The following BANP variants were observed in gnomAD, a reference collection of about 807,000 sequenced individuals.
BANP encodes the protein BTG3 associated nuclear protein, also known as protein BANP.
BANP carries 11 observed loss-of-function variants against 68.1 expected under a neutral mutation model. That is an observed-to-expected ratio of 0.16 (90% CI 0.10 to 0.27). BANP has a LOEUF of 0.27. Among genes scored for constraint, BANP ranks in the 10% least tolerant of loss-of-function variants. BANP has a pLI of 1.00. For missense variants in BANP, 504 were observed against 722.7 expected, an observed-to-expected ratio of 0.70 and a Z score of 3.47; for synonymous variants, 329 against 303.2, an observed-to-expected ratio of 1.09 and a Z score of -0.88.
intron 11 of BANP, among the ~76,000 whole-genome samples, chr16:88,046,007 G>A (rs1224485600): frequency 1.3e-5 from 2 of 152,222 alleles, no homozygotes; most frequent in Non-Finnish European, 2.9e-5. Flanking sequence ...GGCAGGTGCC[G>A]TCCACACTCC....
intron 13 of BANP, among the ~76,000 whole-genome samples, chr16:88,076,382 C>G (rs1321976994): frequency 7.1e-6 from 1 of 141,402 alleles, no homozygotes; most frequent in Non-Finnish European, 1.6e-5. Flanking sequence ...CGGAGCCTCC[C>G]TGGGCGCCAG....
chr16:88,059,247 G>T (rs2086027207), intron 11 of BANP, among the ~76,000 whole-genome samples: 2 of 149,946 alleles, frequency 1.3e-5, no homozygotes, highest in Admixed American at 1.3e-4. Flanking sequence ...GGCAGGTGGG[G>T]GTGGGGTGGG....
intron 1 of BANP, among the ~76,000 whole-genome samples, chr16:87,965,397 G>C (rs1272645249): frequency 1.3e-5 from 2 of 152,064 alleles, no homozygotes; most frequent in African/African-American, 2.4e-5. Flanking sequence ...AATGGGGCTG[G>C]GGCTGGAGGG....
chr16:88,015,483 G>C (rs116595244), intron 6 of BANP, among the ~76,000 whole-genome samples: 1 of 152,214 alleles, frequency 6.6e-6, no homozygotes, highest in Non-Finnish European at 1.5e-5. Flanking sequence ...CTCTGGCCAC[G>C]CTGGTTCCCT....
intron 12 of BANP, among the ~76,000 whole-genome samples, chr16:88,066,138 C>A (rs753782613): frequency 3.9e-5 from 6 of 152,232 alleles, no homozygotes; most frequent in African/African-American, 1.4e-4. Flanking sequence ...CAGACACGTT[C>A]CTTAGAGCAC....
chr16:88,019,033 C>G (rs909290179), intron 7 of BANP, among the ~76,000 whole-genome samples: 202 of 76,048 alleles, frequency 2.7e-3, no homozygotes, highest in Non-Finnish European at 7.0e-3. Flanking sequence ...CCCAGGCCCC[C>G]CTGAGCCTCT....
At chr16:87,974,053 C>G (rs758816045) in intron 1 of BANP, among the ~76,000 whole-genome samples, 10 of 152,158 alleles carry the variant, frequency 6.6e-5, no homozygotes, top group Non-Finnish European at 1.2e-4. Context: ...CTGTACAGAG[C>G]TGGGCACAGG....
intron 4 of BANP, among the ~76,000 whole-genome samples, chr16:87,998,516 G>C (rs1034502108): frequency 2.0e-5 from 3 of 152,210 alleles, no homozygotes; most frequent in Non-Finnish European, 4.4e-5. Context: ...AGGCTCCATG[G>C]CCTGCTTCTC....
chr16:88,073,315 G>A (rs2090829213), intron 13 of BANP, among the ~76,000 whole-genome samples: 1 of 152,208 alleles, frequency 6.6e-6, no homozygotes. Flanking sequence ...AGAGTTTAAG[G>A]ACCCGTGTCC....
intron 8 of BANP, 125 bp downstream of exon 8, chr16:88,027,775 C>T: frequency 2.5e-6 from 3 of 1,184,400 alleles, no homozygotes; most frequent in Non-Finnish European, 3.6e-6. Flanking sequence ...AGGCCAGAGG[C>T]TTGCGCGGTG....
intron 11 of BANP, among the ~76,000 whole-genome samples, chr16:88,060,483 G>A (rs973096958): frequency 4.6e-5 from 7 of 152,234 alleles, no homozygotes; most frequent in African/African-American, 1.7e-4. Flanking sequence ...TAGTGGGAAC[G>A]TTGGAGCACA....
rs182863526 is a variant in BANP, at chr16:88,007,460, G to T, written c.655+1195G>T. On this transcript the variant is annotated intron_variant, in intron 6 of 13. Coordinates refer to ENST00000682872, the MANE Select transcript of BANP (RefSeq NM_001386991.1). ...TCCCGCCTGGCCCTCGGCCTGCCCA[G>T]TGTGCCTTTCAGAGCCGTCTTCCCC... Among the ~76,000 whole-genome samples the T allele has an allele frequency of 2.4e-3, 359 of 152,352 alleles. 2 individuals carry two copies. The highest frequency in any genetic ancestry group is 4.6e-3 in the Non-Finnish European group (311 of 68,034).
At chr16:88,012,166 C>T (rs2073323650) in intron 6 of BANP, among the ~76,000 whole-genome samples, 1 of 152,232 alleles carries the variant, frequency 6.6e-6, no homozygotes, top group African/African-American at 2.4e-5. Context: ...TGGTTCATCA[C>T]GTCCTGGCGC....
At chr16:88,028,225 C>T (rs1325696266) in intron 8 of BANP, among the ~76,000 whole-genome samples, 2 of 152,222 alleles carry the variant, frequency 1.3e-5, no homozygotes, top group Non-Finnish European at 2.9e-5. Context: ...GAAAACTATT[C>T]TCTTAAAGCT....
intron 12 of BANP, among the ~76,000 whole-genome samples, chr16:88,070,680 TG>T (rs1332749562): frequency 2.0e-5 from 3 of 151,968 alleles, no homozygotes; most frequent in Non-Finnish European, 4.4e-5. Flanking sequence ...GGCCAGCACG[TG>T]GGGGGCCTGC....
intron 11 of BANP, among the ~76,000 whole-genome samples, chr16:88,038,602 A>C (rs1240190135): frequency 6.6e-6 from 1 of 152,104 alleles, no homozygotes; most frequent in East Asian, 1.9e-4. Context: ...CAAACTCACA[A>C]ACTTGCCAGC....
chr16:88,026,645 A>G (rs2077050987), intron 7 of BANP, among the ~76,000 whole-genome samples: 1 of 152,126 alleles, frequency 6.6e-6, no homozygotes, highest in African/African-American at 2.4e-5. Context: ...GAATTCTCCA[A>G]ACTGTGTTTG....
At chr16:87,969,692 C>T (rs888336701) in intron 1 of BANP, among the ~76,000 whole-genome samples, 4 of 152,014 alleles carry the variant, frequency 2.6e-5, no homozygotes, top group East Asian at 1.9e-4. Flanking sequence ...GCCGCCATCC[C>T]CGTCTAATTT....
rs1472002806 is a variant in BANP at position 88,064,970 on chromosome 16, ACT to A, written c.1312-294_1312-293del. Among the ~76,000 whole-genome samples the A allele has an allele frequency of 6.6e-6, 1 of 151,898 alleles. No individual in the cohort carries two copies. Among genetic ancestry groups the A allele is most frequent in the Admixed American group, 6.5e-5 (1 of 15,270 alleles). On this transcript the variant is annotated intron_variant, in intron 11 of 13. Transcript: ENST00000682872. This position sits in a 1 kb window ranked among gnomAD's most constrained non-coding sequence, Gnocchi z 4.5. ...GCTTTTAAAAACTCCTACAGTACAA[ACT>A]CTTTCTAATGGAAAAAAGCGGTTGC...
Sources: allele counts gnomAD v4.1 joint callset (sites outside exome capture counted in the v4.1 genomes callset), GRCh38; gene constraint gnomAD v4.1.1; non-coding constraint Gnocchi (gnomAD v3.1); transcripts MANE v1.5; gene names NCBI Gene and HGNC (gene_info 2026-07-23, HGNC 2026-07-21).